The following TRAF3 variants were observed in gnomAD, a reference collection of about 807,000 sequenced individuals.
TRAF3 encodes the protein TNF receptor-associated factor 3.
Under a neutral mutation model 62.3 loss-of-function variants are expected in TRAF3, and 13 were observed. That is an observed-to-expected ratio of 0.21 (90% CI 0.14 to 0.33). The LOEUF is 0.33. Among genes scored for constraint, TRAF3 ranks in the 10% least tolerant of loss-of-function variants. The probability of loss-of-function intolerance (pLI) is 1.00; values close to 1 mark genes in which losing one functional copy is unlikely to be tolerated. For synonymous variants in TRAF3, 269 were observed against 283.4 expected, an observed-to-expected ratio of 0.95 and a Z score of 0.51; for missense variants, 440 against 741.8, an observed-to-expected ratio of 0.59 and a Z score of 4.73.
rs1721533959 is a variant in TRAF3, at chr14:102,826,799, CA to C, written c.-156-3534del. Among the ~76,000 whole-genome samples, 1 of 152,170 alleles carries C rather than the reference CA, an allele frequency of 6.6e-6. No homozygotes were observed. Among genetic ancestry groups the C allele is most frequent in the Non-Finnish European group, 1.5e-5 (1 of 68,022 alleles). On this transcript the variant is annotated intron_variant, in intron 1 of 11. Coordinates refer to ENST00000392745, the MANE Select transcript of TRAF3 (RefSeq NM_145725.3). This position sits in a 1 kb window ranked among gnomAD's most constrained non-coding sequence, Gnocchi z 4.6. ...AGGCCGCGTGGACTGTCACCTCTGT[CA>C]GGGGTGCCAGGGCTGCCAAAGGACA...
chr14:102,842,281 TTATATAATAAAA>T (rs562617999), intron 2 of TRAF3, among the ~76,000 whole-genome samples: 116 of 147,858 alleles, frequency 7.8e-4, no homozygotes, highest in African/African-American at 2.6e-3. Context: ...TATATTTTAT[TTATATAATAAAA>T]TATATAATAA....
At chr14:102,798,779 A>T (rs926351528) in intron 1 of TRAF3, among the ~76,000 whole-genome samples, 2 of 152,192 alleles carry the variant, frequency 1.3e-5, no homozygotes, top group Non-Finnish European at 2.9e-5. Flanking sequence ...CGGCCTCAGC[A>T]GACCTTTGTA....
chr14:102,869,916 C>T (rs1368326277), intron 2 of TRAF3, among the ~76,000 whole-genome samples: 1 of 151,980 alleles, frequency 6.6e-6, no homozygotes, highest in Admixed American at 6.5e-5. Flanking sequence ...GCTCAGCAAT[C>T]TTTCCACCTC....
chr14:102,787,266 A>G (rs1219661969), intron 1 of TRAF3, among the ~76,000 whole-genome samples: 1 of 152,248 alleles, frequency 6.6e-6, no homozygotes, highest in Non-Finnish European at 1.5e-5. Context: ...GTATATTTGC[A>G]CAAAAGGAAC....
At chr14:102,834,301 A>G (rs1215098176) in intron 2 of TRAF3, among the ~76,000 whole-genome samples, 1 of 152,164 alleles carries the variant, frequency 6.6e-6, no homozygotes, top group Non-Finnish European at 1.5e-5. Flanking sequence ...CACACCTACA[A>G]CCATCTCATC....
chr14:102,804,738 C>T (rs1898667020), intron 1 of TRAF3, among the ~76,000 whole-genome samples: 1 of 152,146 alleles, frequency 6.6e-6, no homozygotes, highest in African/African-American at 2.4e-5. Flanking sequence ...CATCCTGCCC[C>T]AGCATCCCAA....
Position 102,870,452 on chromosome 14 carries a change from C to T in TRAF3, c.245+6C>T, listed in dbSNP as rs368807234. 45 of 1,612,366 alleles carry T rather than the reference C, an allele frequency of 2.8e-5. No homozygotes were observed. The Admixed American group carries it at 2.8e-4, about 10-fold the overall frequency. On this transcript the variant is annotated splice_donor_region_variant and intron_variant, in intron 3 of 11. Coordinates refer to ENST00000392745, the MANE Select transcript of TRAF3 (RefSeq NM_145725.3). ...TGCATGGCGGCCCTGCTGAGGTAGGCGCCCTCGCCCGGCCCGTCGCCCGGC... is the reference window on the plus strand; with the variant it reads ...TGCATGGCGGCCCTGCTGAGGTAGGTGCCCTCGCCCGGCCCGTCGCCCGGC...
intron 7 of TRAF3, among the ~76,000 whole-genome samples, chr14:102,889,133 T>C (rs558166179): frequency 6.6e-6 from 1 of 152,352 alleles, no homozygotes; most frequent in African/African-American, 2.4e-5. Flanking sequence ...TGAAAATATA[T>C]TTATTTTTGT....
intron 9 of TRAF3, among the ~76,000 whole-genome samples, chr14:102,894,052 C>T (rs965053226): frequency 1.3e-5 from 2 of 152,086 alleles, no homozygotes; most frequent in African/African-American, 4.8e-5. Context: ...CTCAGCTGGG[C>T]GCGGTGGCTC....
intron 2 of TRAF3, among the ~76,000 whole-genome samples, chr14:102,834,373 C>T (rs1326836578): frequency 1.3e-5 from 2 of 152,098 alleles, no homozygotes; most frequent in African/African-American, 2.4e-5. Flanking sequence ...GGTGCTGGGA[C>T]GACTGGCTAG....
intron 2 of TRAF3, among the ~76,000 whole-genome samples, chr14:102,846,546 T>C (rs575969415): frequency 6.8e-6 from 1 of 146,984 alleles, no homozygotes; most frequent in East Asian, 2.0e-4. Flanking sequence ...CTCATGCCTG[T>C]AATCCCAGCA....
chr14:102,782,552 A>G (rs1897311726), intron 1 of TRAF3, among the ~76,000 whole-genome samples: 1 of 152,196 alleles, frequency 6.6e-6, no homozygotes, highest in Admixed American at 6.5e-5. Flanking sequence ...AAATTTAAAA[A>G]AAGTCCTTTC....
intron 10 of TRAF3, among the ~76,000 whole-genome samples, chr14:102,900,495 T>A (rs1398687628): frequency 1.3e-5 from 2 of 152,080 alleles, no homozygotes; most frequent in Non-Finnish European, 2.9e-5. Flanking sequence ...AGCAAGACTG[T>A]CTCAAAGAAA....
intron 1 of TRAF3, among the ~76,000 whole-genome samples, chr14:102,828,171 T>G (rs926349864): frequency 6.6e-6 from 1 of 152,240 alleles, no homozygotes; most frequent in Non-Finnish European, 1.5e-5. Context: ...CAGCATTTTT[T>G]AAAGATTCTT....
At chr14:102,898,274 TG>T (rs1191672838) in intron 10 of TRAF3, among the ~76,000 whole-genome samples, 2 of 152,276 alleles carry the variant, frequency 1.3e-5, no homozygotes, top group African/African-American at 4.8e-5. Flanking sequence ...TATTATATTT[TG>T]TAGTTATCCA....
chr14:102,850,385 C>T (rs531591586), intron 2 of TRAF3, among the ~76,000 whole-genome samples: 5 of 152,192 alleles, frequency 3.3e-5, no homozygotes, highest in Non-Finnish European at 7.4e-5. Flanking sequence ...AAAAATTCTG[C>T]TTAAAGAAGA....
At position 102,903,706 on chromosome 14, in the gene TRAF3, G is replaced by T; in HGVS notation, c.1135+277G>T. On this transcript the variant is annotated intron_variant, in intron 11 of 11. Coordinates refer to ENST00000392745, the MANE Select transcript of TRAF3 (RefSeq NM_145725.3). This position sits in a 1 kb window ranked among gnomAD's most constrained non-coding sequence, Gnocchi z 6.4. ...CACGGGAAGCTGCAAAGCCCTCCTG[G>T]GAGAGACTGGCCGCAGGGTGACCCA... is the stretch of plus-strand genomic sequence containing the variant. 1.7e-6 allele frequency: 1 copy of T among 575,594 alleles called. No individual in the cohort carries two copies. The highest frequency in any genetic ancestry group is 3.3e-6 in the Non-Finnish European group (1 of 306,134). The allele number at this position is 575,594 out of a possible 1,614,324, so 35.7% of individuals were successfully genotyped here.
Position 102,899,162 on chromosome 14 carries a change from C to T in TRAF3, c.960+1761C>T, listed in dbSNP as rs529195877. 1.4e-4 allele frequency among the ~76,000 whole-genome samples: 21 copies of T among 152,298 alleles called. No homozygotes were observed. In the East Asian group the frequency reaches 3.3e-3, roughly 24 times the overall value. The stretch of plus-strand genomic sequence containing the variant: ...GGTCTACACAGAAGGTCCTTCCAAC[C>T]GTGTGGTTTTTTGAAAGGGGAAATT... On this transcript the variant is annotated intron_variant, in intron 10 of 11. Transcript: ENST00000392745.
Position 102,812,763 on chromosome 14 carries a change from C to T in TRAF3, c.-156-17571C>T, listed in dbSNP as rs546393444. ...TGAAACCCTGTCTTTACTAAAAATA[C>T]GAAAAATTAGCCGGGCACGGTGGCG... is the stretch of plus-strand genomic sequence containing the variant. On this transcript the variant is annotated intron_variant, in intron 1 of 11. Coordinates refer to ENST00000392745, the MANE Select transcript of TRAF3 (RefSeq NM_145725.3). Among the ~76,000 whole-genome samples the T allele has an allele frequency of 3.6e-4, 54 of 150,438 alleles. 2 individuals are homozygous for T. Among genetic ancestry groups the T allele is most frequent in the Admixed American group, 5.3e-4 (8 of 15,228 alleles).
Sources: allele counts gnomAD v4.1 joint callset (sites outside exome capture counted in the v4.1 genomes callset), GRCh38; gene constraint gnomAD v4.1.1; non-coding constraint Gnocchi (gnomAD v3.1); transcripts MANE v1.5; gene names NCBI Gene and HGNC (gene_info 2026-07-23, HGNC 2026-07-21).